Variants in PRKD1 observed in about 807,000 individuals in gnomAD.
PRKD1 encodes the protein serine/threonine-protein kinase D1.
PRKD1 carries 63 observed loss-of-function variants against 95.9 expected under a neutral mutation model. The ratio of observed to expected loss-of-function variants is 0.66; its 90% CI spans 0.54 to 0.81. The LOEUF (loss-of-function observed/expected upper bound fraction) is 0.81, where lower values mean the gene tolerates loss of function less well. Among genes scored for constraint, PRKD1 ranks in the 30% least tolerant of loss-of-function variants. PRKD1 has a pLI of 0.00. For synonymous variants in PRKD1, 425 were observed against 423.1 expected (o/e 1.00, Z -0.05); for missense variants, 1,048 against 1,165.3 (o/e 0.90, Z 1.47).
At chr14:29,643,162 G>A (rs576652171) in intron 4 of PRKD1, among the ~76,000 whole-genome samples, 21 of 151,926 alleles carry the variant, frequency 1.4e-4, no homozygotes, top group African/African-American at 4.8e-4. Context: ...TGGATCTTTT[G>A]TAAGAATTGA....
chr14:29,815,375 C>A (rs557698185), intron 1 of PRKD1, among the ~76,000 whole-genome samples: 8 of 152,108 alleles, frequency 5.3e-5, no homozygotes, highest in Non-Finnish European at 1.2e-4. Context: ...CCATTCCAGA[C>A]GATCAAAATG....
chr14:29,589,609 A>G (rs1893055196), intron 16 of PRKD1, among the ~76,000 whole-genome samples: 1 of 152,010 alleles, frequency 6.6e-6, no homozygotes, highest in Non-Finnish European at 1.5e-5. Context: ...CTGAGTGAAT[A>G]TTTACATATA....
chr14:29,750,121 A>G (rs1304577557), intron 1 of PRKD1, among the ~76,000 whole-genome samples: 1 of 152,190 alleles, frequency 6.6e-6, no homozygotes, highest in Non-Finnish European at 1.5e-5. Flanking sequence ...ATTCTATGAA[A>G]TGTGAAACAA....
rs138988696 is a variant in PRKD1 at position 29,866,987 on chromosome 14, C to A, written c.264+60262G>T. On this transcript the variant is annotated intron_variant, in intron 1 of 17. Transcript: ENST00000331968. The stretch of plus-strand genomic sequence containing the variant: ...CCCTCCACTTGACATTGGCCTCTTA[C>A]ACCCATAGTCTCACCCCCAAAATTG... Among the ~76,000 whole-genome samples the A allele has an allele frequency of 1.7e-3, 255 of 152,284 alleles. 2 individuals carry two copies. The highest frequency in any genetic ancestry group is 2.6e-3 in the Non-Finnish European group (178 of 68,018).
At position 29,757,365 on chromosome 14, in the gene PRKD1, A is replaced by C. The variant is rs1210841521; in HGVS notation, c.265-31691T>G. ...TAAATGCAAGGTGCCAGGGAAGCAC[A>C]GATGCAAGGTACCTAGCCCCACCTG... On this transcript the variant is annotated intron_variant, in intron 1 of 17. Transcript: ENST00000331968. Among the ~76,000 whole-genome samples the C allele has an allele frequency of 3.3e-5, 5 of 152,320 alleles. No individual in the cohort carries two copies. In the East Asian group the frequency reaches 9.7e-4, roughly 29 times the overall value.
Position 29,636,388 on chromosome 14 carries a change from C to T in PRKD1, c.1092G>A (p.Met364Ile). 4 of 1,614,142 alleles carry T rather than the reference C, an allele frequency of 2.5e-6. No individual in the cohort carries two copies. The highest frequency in any genetic ancestry group is 3.4e-6 in the Non-Finnish European group (4 of 1,180,032). ...CCATTGCCATCTCTGCATCTTGGAC[C>T]ATTGCTTCTTCCATATCATCCATGA... The part of the protein sequence containing the change: ...SGLMDDMEEA[M>I]VQDAEMAMAE... The change falls in exon 7 of 18, where the codon ATG becomes ATA. Residue 364 changes from methionine (M) to isoleucine (I), a missense_variant. This residue lies in a region of PRKD1 where 739 missense variants were observed against 861.9 expected (regional missense o/e 0.86). Coordinates refer to ENST00000331968, the MANE Select transcript of PRKD1 (RefSeq NM_002742.3).
intron 1 of PRKD1, among the ~76,000 whole-genome samples, chr14:29,910,120 C>G (rs1894651826): frequency 6.6e-6 from 1 of 152,156 alleles, no homozygotes; most frequent in Non-Finnish European, 1.5e-5. Flanking sequence ...TTGCTGCTCA[C>G]TCTTTGGGTC....
chr14:29,916,648 T>C (rs1205985922), intron 1 of PRKD1, among the ~76,000 whole-genome samples: 1 of 152,224 alleles, frequency 6.6e-6, no homozygotes, highest in Non-Finnish European at 1.5e-5. Context: ...CCCATGTTCT[T>C]ACTTGCAGAT....
intron 4 of PRKD1, among the ~76,000 whole-genome samples, chr14:29,658,637 G>A (rs1442508126): frequency 1.3e-5 from 2 of 152,074 alleles, no homozygotes; most frequent in East Asian, 1.9e-4. Context: ...CTGTTTCATT[G>A]GTAGTTGGTT....
intron 1 of PRKD1, among the ~76,000 whole-genome samples, chr14:29,923,684 C>T (rs144651864): frequency 1.1e-4 from 16 of 151,982 alleles, no homozygotes; most frequent in African/African-American, 3.6e-4. Context: ...CTTATAAATG[C>T]TATTACTCCA....
intron 1 of PRKD1, among the ~76,000 whole-genome samples, chr14:29,902,102 T>C (rs1894339833): frequency 6.6e-6 from 1 of 152,100 alleles, no homozygotes; most frequent in Non-Finnish European, 1.5e-5. Context: ...TTATGATTTA[T>C]CAATTTTCTA....
intron 1 of PRKD1, among the ~76,000 whole-genome samples, chr14:29,870,435 T>C (rs1052795769): frequency 2.0e-5 from 3 of 152,196 alleles, no homozygotes; most frequent in Non-Finnish European, 4.4e-5. Context: ...TTGATAAGCA[T>C]GGTAATTTTC....
chr14:29,663,972 G>T, intron 3 of PRKD1, 113 bp from the exon 4 acceptor site: 1 of 1,106,508 alleles, frequency 9.0e-7, no homozygotes, highest in Non-Finnish European at 1.3e-6. Context: ...TTCCTTGAGA[G>T]TATTTGGAAA....
intron 15 of PRKD1, 57 bp downstream of exon 15, chr14:29,598,970 A>T: frequency 7.3e-7 from 1 of 1,366,120 alleles, no homozygotes; most frequent in Non-Finnish European, 1.0e-6. Flanking sequence ...AAGATGCTAC[A>T]TGGAAGCTAG....
At chr14:29,848,824 GATGTAGATAAAGTCA>G (rs1377331525) in intron 1 of PRKD1, among the ~76,000 whole-genome samples, 3 of 145,934 alleles carry the variant, frequency 2.1e-5, no homozygotes, top group African/African-American at 7.3e-5. Context: ...ACTGAAGGAA[GATGTAGATAAAGTCA>G]ATAAAATAAT....
intron 1 of PRKD1, among the ~76,000 whole-genome samples, chr14:29,754,116 C>A (rs1318663792): frequency 6.6e-6 from 1 of 152,174 alleles, no homozygotes; most frequent in Non-Finnish European, 1.5e-5. Context: ...CAACTTTTTG[C>A]AGCTTAACTG....
chr14:29,637,228 G>C (rs1880446745), intron 6 of PRKD1, among the ~76,000 whole-genome samples: 1 of 152,176 alleles, frequency 6.6e-6, no homozygotes, highest in South Asian at 2.1e-4. Context: ...TCAAGCCACT[G>C]ATTCTTACTA....
intron 1 of PRKD1, among the ~76,000 whole-genome samples, chr14:29,793,831 T>C (rs1889683445): frequency 6.6e-6 from 1 of 152,076 alleles, no homozygotes; most frequent in Non-Finnish European, 1.5e-5. Context: ...TTTTATTCCA[T>C]GTACAGGTGT....
At chr14:29,600,333 T>C (rs948106435) in intron 13 of PRKD1, among the ~76,000 whole-genome samples, 12 of 152,078 alleles carry the variant, frequency 7.9e-5, no homozygotes, top group African/African-American at 2.7e-4. Context: ...TTATACTAAG[T>C]GAAGATCATA....
Sources: gnomAD v4.1 joint callset for allele counts (sites outside exome capture counted in the v4.1 genomes callset) on GRCh38, gnomAD v4.1.1 for gene constraint, gnomAD v4.1.1 regional missense constraint, MANE v1.5 for transcripts, NCBI Gene and HGNC (gene_info 2026-07-23, HGNC 2026-07-21) for gene names.